ZMIZ1: variants seen among roughly 807,000 people sequenced by gnomAD.
The protein encoded by ZMIZ1 is zinc finger MIZ-type containing 1, also known as zinc finger MIZ domain-containing protein 1.
In ZMIZ1, 17 loss-of-function variants were observed where a neutral mutation model predicts 113.9. The ratio of observed to expected loss-of-function variants is 0.15; its 90% CI spans 0.10 to 0.22. ZMIZ1 has a LOEUF of 0.22. ZMIZ1 is among the 10% of genes least tolerant of loss of function. The probability of loss-of-function intolerance (pLI) is 1.00; values close to 1 mark genes in which losing one functional copy is unlikely to be tolerated. For synonymous variants in ZMIZ1, 607 were observed against 603.1 expected (o/e 1.01, Z -0.09); for missense variants, 1,059 against 1,477.8 (o/e 0.72, Z 4.65).
At chr10:79,262,089 A>G (rs1221595849) in intron 7 of ZMIZ1, among the ~76,000 whole-genome samples, 1 of 152,216 alleles carries the variant, frequency 6.6e-6, no homozygotes, top group Non-Finnish European at 1.5e-5. Flanking sequence ...GAACTTGCTT[A>G]TGTCCTGAAC....
At chr10:79,301,985 C>T (rs1854333342) in intron 17 of ZMIZ1, 122 bp from the exon 18 acceptor site, 1 of 918,902 alleles carries the variant, frequency 1.1e-6, no homozygotes, top group African/African-American at 1.6e-5. Flanking sequence ...CAGGAGACAC[C>T]CTGGGGGAGC....
At chr10:79,226,302 C>T (rs1242258950) in intron 7 of ZMIZ1, among the ~76,000 whole-genome samples, 1 of 152,150 alleles carries the variant, frequency 6.6e-6, no homozygotes, top group African/African-American at 2.4e-5. Context: ...CTCTGCAGGT[C>T]ACCAGGGACT....
At chr10:79,142,423 G>A (rs185173335) in intron 3 of ZMIZ1, among the ~76,000 whole-genome samples, 1 of 152,098 alleles carries the variant, frequency 6.6e-6, no homozygotes, top group Non-Finnish European at 1.5e-5. Flanking sequence ...GGGAGTGAGT[G>A]GATAAGGGGT....
At chr10:79,234,322 T>G (rs1789870775) in intron 7 of ZMIZ1, among the ~76,000 whole-genome samples, 5 of 152,176 alleles carry the variant, frequency 3.3e-5, no homozygotes, top group Non-Finnish European at 7.3e-5. Context: ...CGCCCTTCCC[T>G]GGGCCTCGGA....
chr10:79,074,787 G>C (rs935174235), intron 1 of ZMIZ1, among the ~76,000 whole-genome samples: 32 of 152,236 alleles, frequency 2.1e-4, no homozygotes, highest in African/African-American at 7.2e-4. Flanking sequence ...CAAGGCTGTA[G>C]CTAGTGGGGT....
At chr10:79,078,186 A>G (rs551052322) in intron 1 of ZMIZ1, among the ~76,000 whole-genome samples, 3 of 152,136 alleles carry the variant, frequency 2.0e-5, no homozygotes, top group Admixed American at 2.0e-4. Context: ...TATTTTTTTC[A>G]TGTGTAAACT....
At chr10:79,258,118 A>G (rs951137594) in intron 7 of ZMIZ1, among the ~76,000 whole-genome samples, 1 of 152,350 alleles carries the variant, frequency 6.6e-6, no homozygotes, top group Admixed American at 6.5e-5. Context: ...ACGGTGGCTC[A>G]TGCCTGAAAT....
chr10:79,287,552 T>C (rs746565629), intron 8 of ZMIZ1, among the ~76,000 whole-genome samples: 2 of 152,248 alleles, frequency 1.3e-5, no homozygotes, highest in Admixed American at 1.3e-4. Flanking sequence ...TCAAACCTAT[T>C]TGACCAAGAT....
At chr10:79,142,851 G>A (rs1452262404) in intron 3 of ZMIZ1, among the ~76,000 whole-genome samples, 1 of 152,222 alleles carries the variant, frequency 6.6e-6, no homozygotes, top group Non-Finnish European at 1.5e-5. Flanking sequence ...CCAGGTGGCA[G>A]GTCACATGCT....
chr10:79,316,232 T>C lies in ZMIZ1; in HGVS notation c.*3483T>C, dbSNP rs1430596092. ...CCCACAGAAACCATCATCGTCTTTG[T>C]ACATCGTATGTACAATGCAATCATT... On this transcript the variant is annotated 3_prime_UTR_variant, in exon 25 of 25. Coordinates refer to ENST00000334512, the MANE Select transcript of ZMIZ1 (RefSeq NM_020338.4). 2 of 152,620 alleles carry C rather than the reference T, an allele frequency of 1.3e-5. No homozygotes were observed. Among genetic ancestry groups the C allele is most frequent in the Non-Finnish European group, 2.9e-5 (2 of 68,048 alleles). The allele number at this position is 152,620 out of a possible 1,614,324, so 9.5% of individuals were successfully genotyped here.
At chr10:79,199,363 C>T (rs1248488494) in intron 4 of ZMIZ1, among the ~76,000 whole-genome samples, 1 of 151,898 alleles carries the variant, frequency 6.6e-6, no homozygotes, top group Non-Finnish European at 1.5e-5. Flanking sequence ...AAAAATTAGC[C>T]AGGCATAGTG....
chr10:79,165,878 C>A (rs956877014), intron 4 of ZMIZ1, among the ~76,000 whole-genome samples: 2 of 132,144 alleles, frequency 1.5e-5, no homozygotes, highest in Admixed American at 1.5e-4. Context: ...CCTCTGTGAG[C>A]AGCCAAGCCT....
chr10:79,215,783 A>G (rs1848701648), intron 6 of ZMIZ1, among the ~76,000 whole-genome samples: 2 of 152,016 alleles, frequency 1.3e-5, no homozygotes, highest in Admixed American at 6.6e-5. Flanking sequence ...GGCCCAGGGC[A>G]TGGAAGGGAG....
intron 2 of ZMIZ1, among the ~76,000 whole-genome samples, chr10:79,125,700 C>T (rs1039472700): frequency 3.3e-5 from 5 of 152,232 alleles, no homozygotes; most frequent in Non-Finnish European, 7.3e-5. Flanking sequence ...GGTGGGGCCA[C>T]AAGCGTGACA....
At chr10:79,129,168 C>T (rs985885360) in intron 2 of ZMIZ1, among the ~76,000 whole-genome samples, 1 of 152,208 alleles carries the variant, frequency 6.6e-6, no homozygotes, top group Non-Finnish European at 1.5e-5. Flanking sequence ...CTCTCCCCCA[C>T]CTCCCAGCAA....
In ZMIZ1 at chr10:79,069,665, C is replaced by T. The variant is rs903460466; in HGVS notation, c.-337+395C>T. ...GGAGGGAGGGAAGGACCGCCTCGGTCTCCTTCGCCTCCTCTGGGGAGATGC... is the reference window on the plus strand; with the variant it reads ...GGAGGGAGGGAAGGACCGCCTCGGTTTCCTTCGCCTCCTCTGGGGAGATGC... On this transcript the variant is annotated intron_variant, in intron 1 of 24. Transcript: ENST00000334512. This position sits in a 1 kb window ranked among gnomAD's most constrained non-coding sequence, Gnocchi z 4.6. Among the ~76,000 whole-genome samples, 66 of 152,222 alleles carry T rather than the reference C, an allele frequency of 4.3e-4. No individual in the cohort carries two copies. The highest frequency in any genetic ancestry group is 1.6e-3 in the African/African-American group (65 of 41,554).
chr10:79,133,024 G>A (rs764041176), intron 2 of ZMIZ1, among the ~76,000 whole-genome samples: 9 of 152,182 alleles, frequency 5.9e-5, no homozygotes, highest in Admixed American at 3.3e-4. Context: ...AAGAACGGTC[G>A]GTGGAAAGAG....
At chr10:79,302,269 G>A in intron 18 of ZMIZ1, 57 bp downstream of exon 18, 6 of 1,548,144 alleles carry the variant, frequency 3.9e-6, no homozygotes, top group Non-Finnish European at 5.3e-6. Context: ...CTGAGTTTGG[G>A]ACTGAGAAGC....
Position 79,069,577 on chromosome 10 carries a change from C to T in ZMIZ1, c.-337+307C>T, listed in dbSNP as rs1842178985. Among the ~76,000 whole-genome samples the T allele has an allele frequency of 6.6e-6, 1 of 150,734 alleles. No individual in the cohort carries two copies. The highest frequency in any genetic ancestry group is 2.4e-5 in the African/African-American group (1 of 40,948). On this transcript the variant is annotated intron_variant, in intron 1 of 24. Coordinates refer to ENST00000334512, the MANE Select transcript of ZMIZ1 (RefSeq NM_020338.4). The surrounding 1 kb of genome is among the most constrained non-coding windows in gnomAD (Gnocchi z 4.6). The stretch of plus-strand genomic sequence containing the variant: ...CGCGCGCGGACCCGGTGCCCGCCTC[C>T]TGCCGGCGCGCCTCCAGCCCTCGCT...
Sources: allele counts gnomAD v4.1 joint callset (sites outside exome capture counted in the v4.1 genomes callset), GRCh38; gene constraint gnomAD v4.1.1; non-coding constraint Gnocchi (gnomAD v3.1); transcripts MANE v1.5; gene names NCBI Gene and HGNC (gene_info 2026-07-23, HGNC 2026-07-21).